The following DNAH14 variants were observed in gnomAD, a reference collection of about 807,000 sequenced individuals.
DNAH14 encodes the protein dynein axonemal heavy chain 14.
Under a neutral mutation model 520.9 loss-of-function variants are expected in DNAH14, and 478 were observed. The ratio of observed to expected loss-of-function variants is 0.92; its 90% CI spans 0.85 to 0.99. The LOEUF (loss-of-function observed/expected upper bound fraction) is 0.99, where lower values mean the gene tolerates loss of function less well. Ranked by LOEUF, DNAH14 falls within the 50% of genes least tolerant of loss-of-function variation. The pLI, the probability that DNAH14 is intolerant of heterozygous loss-of-function variation, is 0.00. For missense variants in DNAH14, 4,831 were observed against 5,234.5 expected, an observed-to-expected ratio of 0.92 and a Z score of 2.38; for synonymous variants, 1,581 against 1,757.2, an observed-to-expected ratio of 0.90 and a Z score of 2.51.
chr1:225,306,369 A>C (rs2094241808), intron 58 of DNAH14, among the ~76,000 whole-genome samples: 1 of 152,082 alleles, frequency 6.6e-6, no homozygotes, highest in Admixed American at 6.5e-5. Flanking sequence ...GAGGCTGTTC[A>C]CTCCTGGGGT....
At chr1:225,007,129 C>A (rs1278104893) in intron 9 of DNAH14, among the ~76,000 whole-genome samples, 1 of 152,180 alleles carries the variant, frequency 6.6e-6, no homozygotes, top group Non-Finnish European at 1.5e-5. Flanking sequence ...GGTGGATTCT[C>A]TGCATGCATA....
At chr1:225,167,764 GA>G (rs2082170831) in intron 35 of DNAH14, among the ~76,000 whole-genome samples, 174 bp from the exon 36 acceptor site, 1 of 152,180 alleles carries the variant, frequency 6.6e-6, no homozygotes, top group Non-Finnish European at 1.5e-5. Context: ...TTTTTCTGCA[GA>G]CAGTAGTAAT....
At chr1:225,079,962 C>T (rs936599780) in intron 18 of DNAH14, among the ~76,000 whole-genome samples, 33 of 152,146 alleles carry the variant, frequency 2.2e-4, no homozygotes, top group Non-Finnish European at 4.3e-4. Flanking sequence ...CTTGAGCCAC[C>T]GTGACCGGCC....
chr1:225,342,052 C>A (rs16844721), intron 69 of DNAH14, among the ~76,000 whole-genome samples: 9,064 of 152,160 alleles, frequency 0.06, 328 homozygotes, highest in African/African-American at 0.099. Context: ...TATTTATTTT[C>A]GAAGCTCTCT....
At chr1:225,119,462 G>A (rs1343134755) in intron 26 of DNAH14, among the ~76,000 whole-genome samples, 168 bp downstream of exon 26, 2 of 152,124 alleles carry the variant, frequency 1.3e-5, no homozygotes, top group African/African-American at 4.8e-5. Context: ...AATGGAACAT[G>A]ATGACACATG....
chr1:225,127,309 G>A (rs1308624476), intron 27 of DNAH14, among the ~76,000 whole-genome samples: 18 of 151,786 alleles, frequency 1.2e-4, no homozygotes, highest in East Asian at 1.9e-4. Flanking sequence ...ACAGTGGGGT[G>A]TTAAAGTCTC....
intron 6 of DNAH14, among the ~76,000 whole-genome samples, chr1:224,968,476 A>G (rs2061325427): frequency 6.6e-6 from 1 of 152,184 alleles, no homozygotes; most frequent in Admixed American, 6.5e-5. Flanking sequence ...AAATCTGAAC[A>G]GCTATTTGTG....
At chr1:224,993,533 G>A (rs753405828) in intron 8 of DNAH14, among the ~76,000 whole-genome samples, 5 of 151,722 alleles carry the variant, frequency 3.3e-5, no homozygotes, top group Non-Finnish European at 7.4e-5. Context: ...TGTGGTATCA[G>A]TTGTAATGTT....
chr1:224,982,110 C>G (rs1028892787), intron 8 of DNAH14, among the ~76,000 whole-genome samples: 2 of 152,058 alleles, frequency 1.3e-5, no homozygotes, highest in African/African-American at 4.8e-5. Flanking sequence ...GGATATTGCC[C>G]CCTACTGGTG....
chr1:225,054,095 C>T (rs572933271), intron 17 of DNAH14, among the ~76,000 whole-genome samples: 160 of 152,286 alleles, frequency 1.1e-3, no homozygotes, highest in African/African-American at 3.4e-3. Context: ...CCGGGTCAGA[C>T]AGTGGCAGGC....
At chr1:225,071,085 G>C (rs1158123370) in intron 17 of DNAH14, among the ~76,000 whole-genome samples, 2 of 152,134 alleles carry the variant, frequency 1.3e-5, no homozygotes, top group African/African-American at 4.8e-5. Flanking sequence ...TTGCATGTGA[G>C]ATGGGTCTCT....
At chr1:225,115,504 C>A (rs1186654663) in intron 23 of DNAH14, among the ~76,000 whole-genome samples, 1 of 152,116 alleles carries the variant, frequency 6.6e-6, no homozygotes, top group East Asian at 1.9e-4. Context: ...TTTATTCAGG[C>A]ATTAATTGCT....
At chr1:225,356,920 A>C (rs1203591894) in intron 73 of DNAH14, among the ~76,000 whole-genome samples, 1 of 152,198 alleles carries the variant, frequency 6.6e-6, no homozygotes, top group Non-Finnish European at 1.5e-5. Context: ...TAGTGATCCT[A>C]TCTTCCAAAC....
At chr1:225,136,928 C>T (rs865990628) in intron 27 of DNAH14, among the ~76,000 whole-genome samples, 4 of 152,280 alleles carry the variant, frequency 2.6e-5, no homozygotes, top group Middle Eastern at 3.4e-3. Context: ...ATTCTTTCCT[C>T]CACTTGGTCT....
intron 11 of DNAH14, among the ~76,000 whole-genome samples, chr1:225,036,479 A>G (rs1437487195): frequency 6.6e-6 from 1 of 151,966 alleles, no homozygotes; most frequent in African/African-American, 2.4e-5. Flanking sequence ...AGTTTATTAG[A>G]GGTTTGGACT....
At chr1:225,089,359 G>A (rs556118065) in intron 21 of DNAH14, among the ~76,000 whole-genome samples, 169 of 147,488 alleles carry the variant, frequency 1.1e-3, no homozygotes, top group African/African-American at 4.1e-3. Flanking sequence ...CAGGAGAATC[G>A]CTTGAAGCCG....
intron 1 of DNAH14, among the ~76,000 whole-genome samples, chr1:224,944,357 C>T (rs2059645568): frequency 6.6e-6 from 1 of 152,124 alleles, no homozygotes; most frequent in African/African-American, 2.4e-5. Flanking sequence ...GATCTTCCTC[C>T]ATCCCTTTAT....
intron 8 of DNAH14, among the ~76,000 whole-genome samples, chr1:224,996,250 T>C (rs1159389942): frequency 6.6e-6 from 1 of 152,016 alleles, no homozygotes; most frequent in African/African-American, 2.4e-5. Context: ...CTCAACCTCC[T>C]GGGCTCAAGC....
chr1:225,316,265 G>T (rs540939758), intron 60 of DNAH14, among the ~76,000 whole-genome samples: 1 of 152,172 alleles, frequency 6.6e-6, no homozygotes. Context: ...AATTTCAAGC[G>T]AGTGGATCTT....
Sources: allele counts gnomAD v4.1 joint callset (sites outside exome capture counted in the v4.1 genomes callset), GRCh38; gene constraint gnomAD v4.1.1; transcripts MANE v1.5; gene names NCBI Gene and HGNC (gene_info 2026-07-23, HGNC 2026-07-21).